Variants in RABGAP1L observed in about 807,000 individuals in gnomAD.
RABGAP1L encodes rab GTPase-activating protein 1-like.
RABGAP1L carries 63 observed loss-of-function variants against 137.7 expected under a neutral mutation model. The ratio of observed to expected loss-of-function variants is 0.46; its 90% CI spans 0.37 to 0.56. The LOEUF (loss-of-function observed/expected upper bound fraction) is 0.56. Among genes scored for constraint, RABGAP1L ranks in the 20% least tolerant of loss-of-function variants. RABGAP1L has a pLI of 0.00. For synonymous variants in RABGAP1L, 431 were observed against 433.7 expected (o/e 0.99, Z 0.08); for missense variants, 1,095 against 1,244.0 (o/e 0.88, Z 1.80).
intron 19 of RABGAP1L, among the ~76,000 whole-genome samples, chr1:174,891,963 A>G (rs897509470): frequency 1.6e-5 from 2 of 127,616 alleles, no homozygotes; most frequent in African/African-American, 8.1e-5. Flanking sequence ...CTCCCTATCC[A>G]AATAATTCCT....
At chr1:174,198,502 T>C (rs568850645) in intron 1 of RABGAP1L, among the ~76,000 whole-genome samples, 1 of 152,272 alleles carries the variant, frequency 6.6e-6, no homozygotes, top group East Asian at 1.9e-4. Context: ...TTTAAGCTCT[T>C]TGGATTCTGA....
intron 1 of RABGAP1L, 140 bp from the exon 2 acceptor site, chr1:174,218,985 C>G: frequency 3.1e-6 from 2 of 640,118 alleles, no homozygotes; most frequent in South Asian, 4.5e-5. Context: ...AAGGTAGCCT[C>G]CCTAACTTTG....
chr1:174,440,608 CTG>C (rs1212493034), intron 13 of RABGAP1L, among the ~76,000 whole-genome samples: 3 of 152,142 alleles, frequency 2.0e-5, no homozygotes, highest in Non-Finnish European at 4.4e-5. Context: ...CAGTCTCACT[CTG>C]TTGCTCAGGC....
intron 13 of RABGAP1L, among the ~76,000 whole-genome samples, chr1:174,623,333 G>A (rs1252870258): frequency 2.0e-5 from 3 of 152,140 alleles, no homozygotes; most frequent in African/African-American, 7.2e-5. Context: ...AAGTTAGGGA[G>A]AACACAATCC....
At chr1:174,556,589 G>A (rs1382332621) in intron 13 of RABGAP1L, among the ~76,000 whole-genome samples, 1 of 152,178 alleles carries the variant, frequency 6.6e-6, no homozygotes, top group African/African-American at 2.4e-5. Flanking sequence ...AAAGAAGGAT[G>A]CAGCCTGAAT....
intron 13 of RABGAP1L, among the ~76,000 whole-genome samples, chr1:174,435,854 G>A (rs2149211724): frequency 7.0e-6 from 1 of 143,472 alleles, no homozygotes; most frequent in Admixed American, 7.1e-5. Context: ...CCCTTCCTGT[G>A]TCCATGTGTT....
intron 3 of RABGAP1L, among the ~76,000 whole-genome samples, chr1:174,221,748 A>G: frequency 6.6e-6 from 1 of 152,190 alleles, no homozygotes. Flanking sequence ...TTTTTTGGTA[A>G]CTACTCAGCT....
At chr1:174,946,378 T>A (rs1179295175) in intron 19 of RABGAP1L, among the ~76,000 whole-genome samples, 1 of 152,136 alleles carries the variant, frequency 6.6e-6, no homozygotes, top group Non-Finnish European at 1.5e-5. Context: ...AGGGGCATGT[T>A]CCTGTAGTCC....
rs374504610 is a variant in RABGAP1L at position 174,787,921 on chromosome 1, A to G, written c.2212-23911A>G. 4.6e-5 allele frequency among the ~76,000 whole-genome samples: 7 copies of G among 152,164 alleles called. No homozygotes were observed. The East Asian group carries it at 7.7e-4, about 17-fold the overall frequency. The stretch of plus-strand genomic sequence containing the variant: ...TGGGTACAGTTGGATATGTGAGACA[A>G]CGAATAGTGAGTCATTACTATCCTC... On this transcript the variant is annotated intron_variant, in intron 18 of 25. Transcript: ENST00000681986.
intron 19 of RABGAP1L, among the ~76,000 whole-genome samples, chr1:174,833,457 TATATATATA>T (rs1692379657): frequency 2.3e-5 from 1 of 43,366 alleles, no homozygotes; most frequent in South Asian, 2.8e-3. Context: ...GAGATATATA[TATATATATA>T]TAGTAGAGAC....
chr1:174,571,509 C>T (rs1432064242), intron 13 of RABGAP1L, among the ~76,000 whole-genome samples: 1 of 152,032 alleles, frequency 6.6e-6, no homozygotes, highest in Non-Finnish European at 1.5e-5. Flanking sequence ...TCATTGCATG[C>T]CTGTACCAAA....
At chr1:174,335,194 A>G (rs1235355128) in intron 11 of RABGAP1L, among the ~76,000 whole-genome samples, 1 of 152,216 alleles carries the variant, frequency 6.6e-6, no homozygotes, top group Non-Finnish European at 1.5e-5. Context: ...TCTGTAATTG[A>G]CATTTTGTCA....
chr1:174,232,599 C>T (rs1009911365), intron 4 of RABGAP1L, among the ~76,000 whole-genome samples: 8 of 151,500 alleles, frequency 5.3e-5, no homozygotes, highest in South Asian at 2.1e-4. Context: ...CTGGCTAACA[C>T]GGTGAAACCC....
intron 13 of RABGAP1L, among the ~76,000 whole-genome samples, chr1:174,402,731 A>G (rs78652242): frequency 0.022 from 3,397 of 152,282 alleles, 55 homozygotes; most frequent in Middle Eastern, 0.088. Flanking sequence ...AAACGACAAT[A>G]GAAGGATCAT....
intron 13 of RABGAP1L, among the ~76,000 whole-genome samples, chr1:174,551,003 T>TATATATAC (rs1666485526): frequency 2.6e-5 from 3 of 114,414 alleles, no homozygotes; most frequent in Admixed American, 2.6e-4. Context: ...TATACACATA[T>TATATATAC]ATATATATAT....
At chr1:174,792,762 T>C (rs1687956237) in intron 18 of RABGAP1L, among the ~76,000 whole-genome samples, 1 of 152,246 alleles carries the variant, frequency 6.6e-6, no homozygotes, top group South Asian at 2.1e-4. Context: ...TCTGGCTTAC[T>C]ATGTACAGTA....
intron 19 of RABGAP1L, among the ~76,000 whole-genome samples, chr1:174,900,380 A>G (rs1657942063): frequency 6.6e-6 from 1 of 152,184 alleles, no homozygotes; most frequent in African/African-American, 2.4e-5. Context: ...AAATGAAGAG[A>G]ATGAAGTCAC....
chr1:174,343,148 C>T (rs368387316), intron 11 of RABGAP1L, among the ~76,000 whole-genome samples: 5 of 152,282 alleles, frequency 3.3e-5, no homozygotes, highest in African/African-American at 7.2e-5. Context: ...CTACATTAAA[C>T]GATTTCTCCC....
chr1:174,262,384 A>G (rs1673651226), intron 7 of RABGAP1L, among the ~76,000 whole-genome samples: 1 of 152,206 alleles, frequency 6.6e-6, no homozygotes. Flanking sequence ...AGCAATGAAA[A>G]CATATATTGT....
Sources: gnomAD v4.1 joint callset for allele counts (sites outside exome capture counted in the v4.1 genomes callset) on GRCh38, gnomAD v4.1.1 for gene constraint, MANE v1.5 for transcripts, NCBI Gene and HGNC (gene_info 2026-07-23, HGNC 2026-07-21) for gene names.